The following PGM5 variants were observed in gnomAD, a reference collection of about 807,000 sequenced individuals.
PGM5 encodes the protein phosphoglucomutase 5, also known as phosphoglucomutase-like protein 5.
Under a neutral mutation model 59.2 loss-of-function variants are expected in PGM5, and 23 were observed. The observed-to-expected ratio is 0.39, with a 90% CI of 0.28 to 0.55. The LOEUF is 0.55. PGM5 is among the 20% of genes least tolerant of loss of function. PGM5 has a pLI of 0.66. For synonymous variants in PGM5, 214 were observed against 286.0 expected (o/e 0.75, Z 2.54); for missense variants, 574 against 748.3 (o/e 0.77, Z 2.72).
chr9:68,371,654 T>A (rs1251585970), intron 1 of PGM5: 1 of 132,178 alleles, frequency 7.6e-6, no homozygotes, highest in Non-Finnish European at 1.7e-5. Context: ...ATTGATCCTA[T>A]GTCAGGGGAT....
intron 10 of PGM5, among the ~76,000 whole-genome samples, chr9:68,520,536 G>A (rs965752763): frequency 2.0e-5 from 3 of 152,126 alleles, no homozygotes; most frequent in South Asian, 4.1e-4. Context: ...TCAACTCAAC[G>A]TGTAAATTCT....
chr9:68,413,703 G>A (rs1822975302), intron 6 of PGM5, among the ~76,000 whole-genome samples: 1 of 152,136 alleles, frequency 6.6e-6, no homozygotes, highest in African/African-American at 2.4e-5. Flanking sequence ...GTGAAGTGTG[G>A]ATTCATGCCA....
At position 68,430,661 on chromosome 9, in the gene PGM5, T is replaced by A. The variant is rs978328009; in HGVS notation, c.1044-34432T>A. Among the ~76,000 whole-genome samples, 4 of 152,224 alleles carry A rather than the reference T, an allele frequency of 2.6e-5. No homozygotes were observed. In the East Asian group the frequency reaches 7.7e-4, roughly 29 times the overall value. On this transcript the variant is annotated intron_variant, in intron 6 of 10. Transcript: ENST00000396396. Reference sequence around the variant, plus strand: ...ATTTGGAGGCTTGCAGCCATTTTTTTCCAAGCATAAAAATGGCTTCAACTT... The same window carrying A: ...ATTTGGAGGCTTGCAGCCATTTTTTACCAAGCATAAAAATGGCTTCAACTT...
intron 9 of PGM5, chr9:68,498,359 G>A (rs1031754603): frequency 6.6e-6 from 1 of 152,026 alleles, no homozygotes; most frequent in Non-Finnish European, 1.5e-5. Context: ...AGTTTTGTCT[G>A]TTATCTTATA....
chr9:68,476,438 C>T (rs1212221166), intron 7 of PGM5, among the ~76,000 whole-genome samples: 5 of 152,126 alleles, frequency 3.3e-5, no homozygotes, highest in Non-Finnish European at 4.4e-5. Flanking sequence ...CATTTTTACT[C>T]TGTTTATAGT....
At chr9:68,504,642 C>A (rs552068036) in intron 10 of PGM5, among the ~76,000 whole-genome samples, 4 of 152,126 alleles carry the variant, frequency 2.6e-5, no homozygotes, top group Non-Finnish European at 5.9e-5. Context: ...TAAAATAGCC[C>A]TCACATGCAG....
chr9:68,438,430 T>C (rs1368108736), intron 6 of PGM5, among the ~76,000 whole-genome samples: 4 of 152,180 alleles, frequency 2.6e-5, no homozygotes, highest in Admixed American at 1.3e-4. Context: ...AATCTACCTT[T>C]TATCTCCCAC....
rs961954296 is a variant in PGM5, at chr9:68,440,977, A to G, written c.1044-24116A>G. Among the ~76,000 whole-genome samples the G allele has an allele frequency of 2.6e-5, 4 of 152,152 alleles. No homozygotes were observed. The South Asian group carries it at 8.3e-4, about 32-fold the overall frequency. On this transcript the variant is annotated intron_variant, in intron 6 of 10. Coordinates refer to ENST00000396396, the MANE Select transcript of PGM5 (RefSeq NM_021965.4). ...TATAAACATCAGGAGTAAGAATACT[A>G]CTGTAGACCCTTTAGACTTTAAAAT...
At chr9:68,405,223 A>G (rs535170194) in intron 6 of PGM5, 1 of 152,354 alleles carries the variant, frequency 6.6e-6, no homozygotes, top group East Asian at 1.9e-4. Context: ...GGATAGACTG[A>G]CAGTCTTAAG....
intron 10 of PGM5, among the ~76,000 whole-genome samples, chr9:68,510,098 A>G (rs1824722957): frequency 1.3e-5 from 2 of 151,438 alleles, no homozygotes; most frequent in African/African-American, 4.9e-5. Flanking sequence ...TTCACATACC[A>G]TCAAAGCTGG....
chr9:68,376,833 C>CTTTCTTTT lies in PGM5; in HGVS notation c.262-1365_262-1364insTTCTTTTT, dbSNP rs1461144548. Among the ~76,000 whole-genome samples the CTTTCTTTT allele has an allele frequency of 2.5e-3, 198 of 77,962 alleles. 8 individuals are homozygous for CTTTCTTTT. The highest frequency in any genetic ancestry group is 0.01 in the African/African-American group (188 of 18,480). The allele number at this position is 77,962 out of a possible 152,430, so 51.1% of individuals were successfully genotyped here. A position where few individuals can be genotyped will look rare whatever the true frequency, so the allele number is the denominator to read the frequency against. ...TCTTTCTTTCTTTCTTTCTTTCTTT[C>CTTTCTTTT]TCTTTCTTTCTTTCTTTCTCTTTCT... On this transcript the variant is annotated intron_variant, in intron 1 of 10. Coordinates refer to ENST00000396396, the MANE Select transcript of PGM5 (RefSeq NM_021965.4).
chr9:68,464,763 C>A (rs1823907519), intron 6 of PGM5, among the ~76,000 whole-genome samples: 1 of 152,080 alleles, frequency 6.6e-6, no homozygotes, highest in South Asian at 2.1e-4. Flanking sequence ...TGCCCAAATA[C>A]CCTCTTAATT....
chr9:68,491,212 A>G (rs1554687836), intron 9 of PGM5, among the ~76,000 whole-genome samples: 1 of 152,248 alleles, frequency 6.6e-6, no homozygotes, highest in African/African-American at 2.4e-5. Flanking sequence ...AACTTTAATT[A>G]CTGTAGAGTT....
At chr9:68,466,895 C>T (rs1823943416) in intron 7 of PGM5, among the ~76,000 whole-genome samples, 1 of 152,156 alleles carries the variant, frequency 6.6e-6, no homozygotes, top group South Asian at 2.1e-4. Flanking sequence ...AGTATTGGTG[C>T]AGGATTCTGA....
chr9:68,389,623 C>T (rs1291025087), intron 4 of PGM5, among the ~76,000 whole-genome samples: 4 of 152,004 alleles, frequency 2.6e-5, no homozygotes, highest in Non-Finnish European at 5.9e-5. Context: ...TGTCGATATA[C>T]CACAATTTGT....
chr9:68,527,441 G>T (rs1421067408), intron 10 of PGM5, among the ~76,000 whole-genome samples: 2 of 152,132 alleles, frequency 1.3e-5, no homozygotes, highest in East Asian at 1.9e-4. Flanking sequence ...TAACCAAAAA[G>T]GGGGAGCAGG....
At chr9:68,416,659 G>C (rs145487944) in intron 6 of PGM5, among the ~76,000 whole-genome samples, 2 of 152,176 alleles carry the variant, frequency 1.3e-5, no homozygotes, top group African/African-American at 4.8e-5. Flanking sequence ...TATATAAGCA[G>C]TTCCAATTAT....
chr9:68,516,720 A>G (rs776123282), intron 10 of PGM5, among the ~76,000 whole-genome samples: 1 of 152,172 alleles, frequency 6.6e-6, no homozygotes, highest in Non-Finnish European at 1.5e-5. Flanking sequence ...TCTCCTTGCC[A>G]AAGTGGGCCT....
intron 10 of PGM5, among the ~76,000 whole-genome samples, chr9:68,512,223 A>G (rs1177841717): frequency 2.0e-5 from 3 of 152,252 alleles, no homozygotes; most frequent in Admixed American, 2.0e-4. Flanking sequence ...GGTTCATTGA[A>G]GAAAGGATGC....
Sources: allele counts gnomAD v4.1 joint callset (sites outside exome capture counted in the v4.1 genomes callset), GRCh38; gene constraint gnomAD v4.1.1; transcripts MANE v1.5; gene names NCBI Gene and HGNC (gene_info 2026-07-23, HGNC 2026-07-21).